The following FZD4 variants were observed in gnomAD, a reference collection of about 807,000 sequenced individuals.
The protein encoded by FZD4 is frizzled-4.
In FZD4, 16 loss-of-function variants were observed where a neutral mutation model predicts 37.3. That is an observed-to-expected ratio of 0.43 (90% CI 0.29 to 0.65). The LOEUF (loss-of-function observed/expected upper bound fraction) is 0.65, where lower values mean the gene tolerates loss of function less well. Ranked by LOEUF, FZD4 falls within the 30% of genes least tolerant of loss-of-function variation. The probability of loss-of-function intolerance (pLI) is 0.16; values close to 1 mark genes in which losing one functional copy is unlikely to be tolerated. For missense variants in FZD4, 599 were observed against 674.3 expected, an observed-to-expected ratio of 0.89 and a Z score of 1.24; for synonymous variants, 246 against 254.8, an observed-to-expected ratio of 0.97 and a Z score of 0.33.
At position 86,954,932 on chromosome 11, in the gene FZD4, T is replaced by C; in HGVS notation, c.154A>G (p.Met52Val). 2 of 1,613,478 alleles carry C rather than the reference T, an allele frequency of 1.2e-6. No individual in the cohort carries two copies. The highest frequency in any genetic ancestry group is 1.7e-6 in the Non-Finnish European group (2 of 1,179,790). Reference protein sequence around the residue: ...ERRCDPIRISMCQNLGYNVTK... With the variant: ...ERRCDPIRISVCQNLGYNVTK... Reference sequence around the variant, plus strand: ...ACGTTGTAGCCGAGGTTCTGGCACATGGAGATGCGGATGGGGTCGCAGCGC... The same window carrying C: ...ACGTTGTAGCCGAGGTTCTGGCACACGGAGATGCGGATGGGGTCGCAGCGC... Residue 52 changes from methionine (M) to valine (V), a missense_variant, in exon 1 of 2, where the codon ATG becomes GTG. Met to Val is a conservative substitution (Grantham distance 21). Around this residue, in one of 3 missense-constraint regions of FZD4, gnomAD observed 357 missense variants for 396.1 expected, o/e 0.90. Transcript: ENST00000531380.
chr11:86,953,836 C>T (rs1590944813), intron 1 of FZD4, among the ~76,000 whole-genome samples: 1 of 152,060 alleles, frequency 6.6e-6, no homozygotes, highest in Non-Finnish European at 1.5e-5. Flanking sequence ...AGGCTGGTCT[C>T]GAACTCCTAA....
At chr11:86,953,723 T>A (rs1949313725) in intron 1 of FZD4, among the ~76,000 whole-genome samples, 2 of 152,286 alleles carry the variant, frequency 1.3e-5, no homozygotes, top group South Asian at 4.1e-4. Flanking sequence ...TTCAAGCGAT[T>A]CTCCTGCCTC....
Position 86,952,428 on chromosome 11 carries a change from T to G in FZD4, c.328A>C (p.Ile110Leu). The stretch of plus-strand genomic sequence containing the variant: ...CCGCATGGGCCAATGGGGATGTTGA[T>G]CTTCTCTGTGCACATTGGCACATAA... ...SVYVPMCTEK[I>L]NIPIGPCGGM... Residue 110 changes from isoleucine (I) to leucine (L), a missense_variant, in exon 2 of 2, where the codon ATC (isoleucine) becomes CTC (leucine). This residue lies in a region of FZD4 where 357 missense variants were observed against 396.1 expected (regional missense o/e 0.90). Transcript: ENST00000531380. 6.2e-7 allele frequency: 1 copy of G among 1,613,980 alleles called. No homozygotes were observed. Among genetic ancestry groups the G allele is most frequent in the Non-Finnish European group, 8.5e-7 (1 of 1,179,878 alleles).
Position 86,951,560 on chromosome 11 carries a change from A to G in FZD4, c.1196T>C (p.Leu399Ser), listed in dbSNP as rs750701201. 1.1e-5 allele frequency: 17 copies of G among 1,614,058 alleles called. No individual in the cohort carries two copies. Among genetic ancestry groups the G allele is most frequent in the Non-Finnish European group, 1.4e-5 (16 of 1,180,024 alleles). Residue 399 changes from leucine (L) to serine (S), a missense_variant, in exon 2 of 2, where the codon TTG becomes TCG. By Grantham distance (145) the Leu-to-Ser change is moderately radical. Coordinates refer to ENST00000531380, the MANE Select transcript of FZD4 (RefSeq NM_012193.4). ...GFVVAPLFTY[L>S]VIGTLFIAAG... is the part of the protein sequence containing the mutation. ...AGCAATGAACAAAGTTCCAATGACC[A>G]AATAAGTAAAGAGGGGAGCCACCAC... is the stretch of plus-strand genomic sequence containing the variant.
rs1283425300 is a variant in FZD4, at chr11:86,951,811, G to A, written c.945C>T (p.Ala315=). 1.2e-6 allele frequency: 2 copies of A among 1,613,878 alleles called. No individual in the cohort carries two copies. The change falls in exon 2 of 2, where the codon GCC becomes GCT. Residue 315 remains alanine (A), a synonymous_variant. Coordinates refer to ENST00000531380, the MANE Select transcript of FZD4 (RefSeq NM_012193.4). ...TCAGAATAACCCACCAAATGGAGCTGGCCATTCCAAAAAAGTACATCAGCA... is the reference window on the plus strand; with the variant it reads ...TCAGAATAACCCACCAAATGGAGCTAGCCATTCCAAAAAAGTACATCAGCA... The part of the protein sequence containing the change: ...IFLLMYFFGM[A]SSIWWVILTL...
Position 86,951,709 on chromosome 11 carries a change from A to C in FZD4, c.1047T>G (p.Ile349Met), listed in dbSNP as rs756932392. The C allele has an allele frequency of 1.2e-6, 2 of 1,614,198 alleles. No homozygotes were observed. The highest frequency in any genetic ancestry group is 2.7e-5 in the African/African-American group (2 of 75,058). ...TCACTGCGGGGATGGCCCAGGCTGC[A>C]ATGTGGAAATAAGAGCTGTGCATTT... ...AIEMHSSYFH[I>M]AAWAIPAVKT... Residue 349 changes from isoleucine to methionine, a missense_variant, in exon 2 of 2, where the codon ATT becomes ATG. Around this residue, in one of 3 missense-constraint regions of FZD4, gnomAD observed 39 missense variants for 81.4 expected, o/e 0.48. Coordinates refer to ENST00000531380, the MANE Select transcript of FZD4 (RefSeq NM_012193.4).
Position 86,950,689 on chromosome 11 carries a change from G to A in FZD4, c.*453C>T, listed in dbSNP as rs1427551089. ...CACTTTTCTGAACCCAGCGTTTCCA[G>A]TGTTTATAGATTGCTTTGCTATCTG... On this transcript the variant is annotated 3_prime_UTR_variant, in exon 2 of 2. Transcript: ENST00000531380. 1 of 216,742 alleles carries A rather than the reference G, an allele frequency of 4.6e-6. No individual in the cohort carries two copies. Among genetic ancestry groups the A allele is most frequent in the Non-Finnish European group, 9.3e-6 (1 of 107,088 alleles). The allele number at this position is 216,742 out of a possible 1,614,324, so 13.4% of individuals were successfully genotyped here.
Position 86,951,177 on chromosome 11 carries a change from C to T in FZD4, c.1579G>A (p.Val527Met). The part of the protein sequence containing the change: ...VKREKRGNGW[V>M]KPGKGSETVV ...GTCTCACTGCCTTTTCCAGGCTTCA[C>T]CCAACCATTTCCTCTCTTCTCTCTC... Residue 527 changes from valine to methionine, a missense_variant, in exon 2 of 2, where the codon GTG (valine) becomes ATG (methionine). By Grantham distance (21) the Val-to-Met change is conservative. Coordinates refer to ENST00000531380, the MANE Select transcript of FZD4 (RefSeq NM_012193.4). 1.2e-6 allele frequency: 2 copies of T among 1,614,068 alleles called. No individual in the cohort carries two copies. The highest frequency in any genetic ancestry group is 1.7e-6 in the Non-Finnish European group (2 of 1,179,914).
rs757850482 is a variant in FZD4, at chr11:86,952,060, G to A, written c.696C>T (p.Ile232=). The part of the protein sequence containing the change: ...WMAVWASLCF[I]STAFTVLTFL... Reference sequence around the variant, plus strand: ...AGGTCAGTACTGTGAAGGCAGTGGAGATGAAACACAGGCTGGCCCACACAG... The same window carrying A: ...AGGTCAGTACTGTGAAGGCAGTGGAAATGAAACACAGGCTGGCCCACACAG... Residue 232 remains isoleucine, a synonymous_variant, in exon 2 of 2, where the codon ATC becomes ATT. Coordinates refer to ENST00000531380, the MANE Select transcript of FZD4 (RefSeq NM_012193.4). 1.4e-5 allele frequency: 23 copies of A among 1,614,140 alleles called. 1 individual carries two copies. In the East Asian group the frequency reaches 4.2e-4, roughly 30 times the overall value.
chr11:86,946,782 A>G lies in FZD4; in HGVS notation c.*4360T>C, dbSNP rs1047991516. On this transcript the variant is annotated 3_prime_UTR_variant, in exon 2 of 2. Transcript: ENST00000531380. ...TAATACAAACCCAGAAGGGAACTCT[A>G]AACTCAAATAAAATAAAGGAACCAA... 1 of 152,468 alleles carries G rather than the reference A, an allele frequency of 6.6e-6. No homozygotes were observed. Among genetic ancestry groups the G allele is most frequent in the Admixed American group, 6.5e-5 (1 of 15,288 alleles). 9.4% of individuals were successfully genotyped at this position (152,468 alleles called of 1,614,324 possible).
rs572013213 is a variant in FZD4, at chr11:86,950,425, AG to A, written c.*716del. ...ATTAACATAAAATGAAGAAAACAGC[AG>A]CAGCCAAGAAGAGAGATGTTGAAAT... On this transcript the variant is annotated 3_prime_UTR_variant, in exon 2 of 2. Transcript: ENST00000531380. 1 of 152,736 alleles carries A rather than the reference AG, an allele frequency of 6.5e-6. No homozygotes were observed. Among genetic ancestry groups the A allele is most frequent in the Non-Finnish European group, 1.5e-5 (1 of 68,090 alleles). 9.5% of individuals were successfully genotyped at this position (152,736 alleles called of 1,614,324 possible).
Position 86,951,423 on chromosome 11 carries a change from T to C in FZD4, c.1333A>G (p.Thr445Ala). The C allele has an allele frequency of 1.2e-6, 2 of 1,613,364 alleles. No homozygotes were observed. Among genetic ancestry groups the C allele is most frequent in the South Asian group, 1.1e-5 (1 of 91,068 alleles). ...VKIGVFSVLY[T>A]VPATCVIACY... ...GCAATCACACACGTTGCAGGAACTG[T>C]GTACAGTACTGAGAACACCCCAATC... Residue 445 changes from threonine (T) to alanine (A), a missense_variant, in exon 2 of 2, where the codon ACA becomes GCA. By Grantham distance (58) the Thr-to-Ala change is moderately conservative. Coordinates refer to ENST00000531380, the MANE Select transcript of FZD4 (RefSeq NM_012193.4).
chr11:86,954,647 T>C, intron 1 of FZD4, 154 bp downstream of exon 1: 1 of 985,194 alleles, frequency 1.0e-6, no homozygotes, highest in Non-Finnish European at 1.2e-6. Flanking sequence ...TGGCTTCCAG[T>C]CCCTGAGAAA....
At position 86,951,918 on chromosome 11, in the gene FZD4, T is replaced by C; in HGVS notation, c.838A>G (p.Ile280Val). 6.2e-7 allele frequency: 1 copy of C among 1,613,938 alleles called. No individual in the cohort carries two copies. The highest frequency in any genetic ancestry group is 8.5e-7 in the Non-Finnish European group (1 of 1,179,950). The change falls in exon 2 of 2, where the codon ATA (isoleucine) becomes GTA (valine). Residue 280 changes from isoleucine (I) to valine (V), a missense_variant. Coordinates refer to ENST00000531380, the MANE Select transcript of FZD4 (RefSeq NM_012193.4). ...IVRLTVGRERISCDFEEAAEP... is the reference protein window; with the variant it reads ...IVRLTVGRERVSCDFEEAAEP... ...GCTGCCTCTTCAAAATCACAGGATA[T>C]CCTTTCCCGGCCTACAGTCAGCCTG... is the stretch of plus-strand genomic sequence containing the variant.
intron 1 of FZD4, among the ~76,000 whole-genome samples, chr11:86,953,977 T>C (rs1237085034): frequency 6.6e-6 from 1 of 152,160 alleles, no homozygotes; most frequent in African/African-American, 2.4e-5. Context: ...TTCTCTCTTT[T>C]CTAAATTTCT....
In FZD4 at chr11:86,955,343, G is replaced by C. The variant is rs1002137019; in HGVS notation, c.-258C>G. On this transcript the variant is annotated 5_prime_UTR_variant, in exon 1 of 2. Coordinates refer to ENST00000531380, the MANE Select transcript of FZD4 (RefSeq NM_012193.4). ...GAGCCCACAAGCCGGCGCCGGCCGC[G>C]TCCGTTCGGCGTCTCCGCGAGGCCA... is the stretch of plus-strand genomic sequence containing the variant. 1 of 374,944 alleles carries C rather than the reference G, an allele frequency of 2.7e-6. No individual in the cohort carries two copies. Among genetic ancestry groups the C allele is most frequent in the African/African-American group, 2.1e-5 (1 of 47,434 alleles). The allele number at this position is 374,944 out of a possible 1,614,324, so 23.2% of individuals were successfully genotyped here. A position where few individuals can be genotyped will look rare whatever the true frequency, so the allele number is the denominator to read the frequency against.
chr11:86,951,549 T>C lies in FZD4; in HGVS notation c.1207A>G (p.Thr403Ala). 1 of 1,614,074 alleles carries C rather than the reference T, an allele frequency of 6.2e-7. No individual in the cohort carries two copies. The highest frequency in any genetic ancestry group is 8.5e-7 in the Non-Finnish European group (1 of 1,179,990). ...ACCAAACCTGCAGCAATGAACAAAG[T>C]TCCAATGACCAAATAAGTAAAGAGG... Reference protein sequence around the residue: ...APLFTYLVIGTLFIAAGLVAL... With the variant: ...APLFTYLVIGALFIAAGLVAL... Residue 403 changes from threonine (T) to alanine (A), a missense_variant, in exon 2 of 2, where the codon ACT becomes GCT. Transcript: ENST00000531380.
rs959027635 is a variant in FZD4, at chr11:86,954,512, G to A, written c.285+289C>T. 8 of 985,240 alleles carry A rather than the reference G, an allele frequency of 8.1e-6. No homozygotes were observed. In the African/African-American group the frequency reaches 1.4e-4, roughly 17 times the overall value. The allele number at this position is 985,240 out of a possible 1,614,324, so 61.0% of individuals were successfully genotyped here. A position where few individuals can be genotyped will look rare whatever the true frequency, so the allele number is the denominator to read the frequency against. Reference sequence around the variant, plus strand: ...GCAGTGGCGGCCAGAATCCTTGGCAGAGATAACCCTCAGCTCCACTGGGGT... The same window carrying A: ...GCAGTGGCGGCCAGAATCCTTGGCAAAGATAACCCTCAGCTCCACTGGGGT... On this transcript the variant is annotated intron_variant, in intron 1 of 1. Transcript: ENST00000531380.
Position 86,952,355 on chromosome 11 carries a change from T to C in FZD4, c.401A>G (p.Glu134Gly). The part of the protein sequence containing the change: ...VKRRCEPVLK[E>G]FGFAWPESLN... ...ACTCTCTGGCCAGGCAAATCCAAATTCCTTCAGGACGGGTTCACAGCGTCT... is the reference window on the plus strand; with the variant it reads ...ACTCTCTGGCCAGGCAAATCCAAATCCCTTCAGGACGGGTTCACAGCGTCT... The change falls in exon 2 of 2, where the codon GAA (glutamate) becomes GGA (glycine). Residue 134 changes from glutamate (E) to glycine (G), a missense_variant. Coordinates refer to ENST00000531380, the MANE Select transcript of FZD4 (RefSeq NM_012193.4). 1 of 1,614,202 alleles carries C rather than the reference T, an allele frequency of 6.2e-7. No individual in the cohort carries two copies. The highest frequency in any genetic ancestry group is 8.5e-7 in the Non-Finnish European group (1 of 1,180,042).
Sources: gnomAD v4.1 joint callset for allele counts (sites outside exome capture counted in the v4.1 genomes callset) on GRCh38, gnomAD v4.1.1 for gene constraint, gnomAD v4.1.1 regional missense constraint, MANE v1.5 for transcripts, NCBI Gene and HGNC (gene_info 2026-07-23, HGNC 2026-07-21) for gene names.